ANKRD26: variants seen among roughly 807,000 people sequenced by gnomAD.
The protein encoded by ANKRD26 is ankyrin repeat domain-containing protein 26.
ANKRD26 carries 141 observed loss-of-function variants against 208.7 expected under a neutral mutation model. That is an observed-to-expected ratio of 0.68 (90% confidence interval 0.59 to 0.78). The LOEUF is 0.78. Ranked by LOEUF, ANKRD26 falls within the 30% of genes least tolerant of loss-of-function variation. The pLI, the probability that ANKRD26 is intolerant of heterozygous loss-of-function variation, is 0.00. For missense variants in ANKRD26, 1,889 were observed against 1,938.7 expected, an observed-to-expected ratio of 0.97 and a Z score of 0.48; for synonymous variants, 636 against 660.4, an observed-to-expected ratio of 0.96 and a Z score of 0.57.
At chr10:27,051,306 T>C (rs912182973) in intron 16 of ANKRD26, 5 of 1,287,326 alleles carry the variant, frequency 3.9e-6, no homozygotes, top group Non-Finnish European at 5.1e-6. Context: ...TTTTGTTTTC[T>C]TGTAAGCGTC....
downstream of ANKRD26, among the ~76,000 whole-genome samples, chr10:27,003,607 A>G (rs1242940284): frequency 6.6e-6 from 1 of 152,138 alleles, no homozygotes; most frequent in East Asian, 1.9e-4. Context: ...TATTTCAACA[A>G]ATCAAATAAT....
chr10:27,080,701 C>T lies in ANKRD26; in HGVS notation c.741-1540G>A, dbSNP rs529656805. The T allele has an allele frequency of 7.1e-6, 7 of 985,468 alleles. No homozygotes were observed. The South Asian group carries it at 2.8e-4, about 40-fold the overall frequency. The allele number at this position is 985,468 out of a possible 1,614,324, so 61.0% of individuals were successfully genotyped here. ...CATCTCCAACCTTTAAGTCTTCAGC[C>T]TATGAAGGCACAAATTCCTGAAAGG... On this transcript the variant is annotated intron_variant, in intron 6 of 33. Coordinates refer to ENST00000376087, the MANE Select transcript of ANKRD26 (RefSeq NM_014915.3).
intron 15 of ANKRD26, among the ~76,000 whole-genome samples, chr10:27,057,877 C>A (rs1311236193): frequency 6.7e-6 from 1 of 149,980 alleles, no homozygotes; most frequent in Non-Finnish European, 1.5e-5. Context: ...GCAGAGGCTG[C>A]AGTGAGCCGA....
At chr10:27,007,533 C>A (rs536856040) in intron 32 of ANKRD26, among the ~76,000 whole-genome samples, 1 of 152,082 alleles carries the variant, frequency 6.6e-6, no homozygotes, top group African/African-American at 2.4e-5. Flanking sequence ...CCTTGTACCT[C>A]TAGTCCCAGC....
intron 12 of ANKRD26, 95 bp downstream of exon 12, chr10:27,063,893 G>A (rs1177761366): frequency 2.0e-6 from 2 of 990,076 alleles, no homozygotes; most frequent in Non-Finnish European, 3.1e-6. Flanking sequence ...GCATTTAATA[G>A]GTGATTTTCT....
chr10:26,959,096 T>C, the ANKRD26 span, among the ~76,000 whole-genome samples: 1 of 152,042 alleles, frequency 6.6e-6, no homozygotes, highest in African/African-American at 2.4e-5. Flanking sequence ...ATGTCTTCTT[T>C]TGAGGAGTGT....
chr10:27,078,530 G>A (rs2055781221), intron 7 of ANKRD26, among the ~76,000 whole-genome samples: 1 of 152,162 alleles, frequency 6.6e-6, no homozygotes, highest in Admixed American at 6.6e-5. Flanking sequence ...AAGGCACACT[G>A]AGAAACACAG....
chr10:27,044,129 AAT>A, intron 19 of ANKRD26, 26 bp downstream of exon 19: 1 of 1,326,852 alleles, frequency 7.5e-7, no homozygotes, highest in South Asian at 1.4e-5. Flanking sequence ...TTTAAACAAT[AAT>A]TTTGATAATT....
intron 17 of ANKRD26, among the ~76,000 whole-genome samples, chr10:27,047,095 T>C (rs892352643): frequency 6.6e-6 from 1 of 152,232 alleles, no homozygotes; most frequent in Non-Finnish European, 1.5e-5. Context: ...GACATGGAAG[T>C]AGCAATTAGA....
At chr10:26,987,291 T>G (rs1246658642), downstream of ANKRD26, among the ~76,000 whole-genome samples, 1 of 150,412 alleles carries the variant, frequency 6.6e-6, no homozygotes, top group African/African-American at 2.4e-5. Context: ...GGGGTGGGGG[T>G]ATGGGGGATG....
Position 27,040,106 on chromosome 10 carries a change from T to C in ANKRD26, c.2234A>G (p.His745Arg), listed in dbSNP as rs756046472. Residue 745 changes from histidine (H) to arginine (R), a missense_variant, in exon 21 of 34, where the codon CAC becomes CGC. Physicochemically the swap from His to Arg is conservative, Grantham distance 29 (BLOSUM62 0). Coordinates refer to ENST00000376087, the MANE Select transcript of ANKRD26 (RefSeq NM_014915.3). ...AATTTTTACTGTAAGTAGTTCACAG[T>C]GATTTTTTTTAAGTTCTAATAATCT... ...CERLLELKKN[H>R]CELLTVKIKK... is the part of the protein sequence containing the mutation. 6.2e-7 allele frequency: 1 copy of C among 1,613,126 alleles called. No individual in the cohort carries two copies. Among genetic ancestry groups the C allele is most frequent in the Non-Finnish European group, 8.5e-7 (1 of 1,179,622 alleles).
chr10:27,046,111 C>G, intron 18 of ANKRD26: 1 of 462,002 alleles, frequency 2.2e-6, no homozygotes, highest in East Asian at 3.8e-5. Context: ...ACCCATTTAC[C>G]TATTGCCTCT....
intron 21 of ANKRD26, among the ~76,000 whole-genome samples, chr10:27,039,176 G>A (rs566606277): frequency 4.6e-5 from 7 of 152,096 alleles, no homozygotes; most frequent in African/African-American, 1.4e-4. Context: ...TGTTCTGGCC[G>A]GGAACGGTGG....
At chr10:27,046,263 C>A (rs2054440304) in intron 18 of ANKRD26, 90 bp downstream of exon 18, 28 of 1,281,436 alleles carry the variant, frequency 2.2e-5, no homozygotes. Context: ...TCGATATTCT[C>A]TAGCTTTGGG....
downstream of ANKRD26, among the ~76,000 whole-genome samples, chr10:26,971,488 A>G (rs1165024523): frequency 1.3e-5 from 2 of 151,968 alleles, no homozygotes; most frequent in African/African-American, 2.4e-5. Flanking sequence ...CAGTCTGGCC[A>G]ACATGGTAAA....
intron 23 of ANKRD26, 149 bp from the exon 24 acceptor site, chr10:27,035,901 C>T (rs1465876601): frequency 3.1e-6 from 2 of 636,128 alleles, no homozygotes; most frequent in Non-Finnish European, 2.6e-6. Context: ...TGGATCAAAA[C>T]TCAAACCGTA....
At chr10:27,052,872 C>T (rs2054709210) in intron 16 of ANKRD26, among the ~76,000 whole-genome samples, 1 of 152,066 alleles carries the variant, frequency 6.6e-6, no homozygotes, top group South Asian at 2.1e-4. Context: ...ACCTTGGAAT[C>T]AGTGACCAGC....
chr10:26,955,439 AT>A, the ANKRD26 span, among the ~76,000 whole-genome samples: 18 of 150,882 alleles, frequency 1.2e-4, no homozygotes, highest in East Asian at 1.9e-4. Context: ...AAAAAAAAAA[AT>A]ATATATATAT....
chr10:27,024,077 G>A (rs1206126643), intron 28 of ANKRD26, among the ~76,000 whole-genome samples: 2 of 151,514 alleles, frequency 1.3e-5, no homozygotes, highest in Non-Finnish European at 2.9e-5. Flanking sequence ...GACACAGATA[G>A]GTTTTTAGAT....
Sources: gnomAD v4.1 joint callset for allele counts (sites outside exome capture counted in the v4.1 genomes callset) on GRCh38, gnomAD v4.1.1 for gene constraint, MANE v1.5 for transcripts, NCBI Gene and HGNC (gene_info 2026-07-23, HGNC 2026-07-21) for gene names.